The following ZNF496 variants were observed in gnomAD, a reference collection of about 807,000 sequenced individuals.
ZNF496 encodes the protein NSD1 (nuclear receptor binding SET-domain containing 1)-interacting zinc finger protein 1.
A neutral mutation model predicts 58.9 loss-of-function variants in ZNF496; 11 were observed. The ratio of observed to expected loss-of-function variants is 0.19; its 90% CI spans 0.12 to 0.31. The LOEUF is 0.31. Among genes scored for constraint, ZNF496 ranks in the 10% least tolerant of loss-of-function variants. ZNF496 has a pLI of 1.00. For synonymous variants in ZNF496, 338 were observed against 318.2 expected (o/e 1.06, Z -0.66); for missense variants, 660 against 783.0 (o/e 0.84, Z 1.88).
intron 9 of ZNF496, chr1:247,307,552 TG>T (rs1659456348): frequency 4.1e-6 from 4 of 985,298 alleles, no homozygotes; most frequent in Middle Eastern, 5.2e-4. Flanking sequence ...CACGCAGAGG[TG>T]GGCTTCTTAG....
At chr1:247,307,249 C>T (rs1659443585) in intron 9 of ZNF496, 2 of 985,278 alleles carry the variant, frequency 2.0e-6, no homozygotes, top group African/African-American at 3.5e-5. Flanking sequence ...GCAGGAGCTA[C>T]CAAAATAAGT....
intron 6 of ZNF496, among the ~76,000 whole-genome samples, chr1:247,317,064 T>C (rs1173760924): frequency 6.6e-6 from 1 of 152,140 alleles, no homozygotes; most frequent in Non-Finnish European, 1.5e-5. Context: ...GCAAGATAGA[T>C]AAACATGTCT....
chr1:247,322,919 A>G, intron 6 of ZNF496: 1 of 808,374 alleles, frequency 1.2e-6, no homozygotes, highest in Non-Finnish European at 1.9e-6. Context: ...TCGTCTGCAC[A>G]AAGCTTCCTG....
chr1:247,307,060 T>C, intron 9 of ZNF496: 3 of 980,716 alleles, frequency 3.1e-6, no homozygotes, highest in Non-Finnish European at 3.6e-6. Flanking sequence ...AGGCAATTCA[T>C]AGAACACAAT....
rs773697495 is a variant in ZNF496 at position 247,300,712 on chromosome 1, C to G, written c.1571G>C (p.Cys524Ser). ...ENGKAKLSFQCCECGKAFQRH... is the reference protein window; with the variant it reads ...ENGKAKLSFQSCECGKAFQRH... ...CTGGAAGGCCTTCCCACACTCACAG[C>G]ACTGGAAGCTCAGTTTGGCCTTGCC... is the stretch of plus-strand genomic sequence containing the variant. Residue 524 changes from cysteine (C) to serine (S), a missense_variant, in exon 10 of 10, where the codon TGC (cysteine) becomes TCC (serine). Coordinates refer to ENST00000682384, the MANE Select transcript of ZNF496 (RefSeq NM_032752.3). This position sits in a 1 kb window ranked among gnomAD's most constrained non-coding sequence, Gnocchi z 5.7. 2 of 1,613,972 alleles carry G rather than the reference C, an allele frequency of 1.2e-6. No individual in the cohort carries two copies. The highest frequency in any genetic ancestry group is 1.7e-6 in the Non-Finnish European group (2 of 1,179,926).
intron 5 of ZNF496, among the ~76,000 whole-genome samples, chr1:247,327,713 T>C (rs994282319): frequency 6.6e-6 from 1 of 151,886 alleles, no homozygotes; most frequent in Non-Finnish European, 1.5e-5. Context: ...ACACAACTTC[T>C]GCAAGTCATA....
chr1:247,301,306 C>T (rs955634083), intron 9 of ZNF496, 30 bp from the exon 10 acceptor site: 12 of 1,501,226 alleles, frequency 8.0e-6, no homozygotes, highest in African/African-American at 1.4e-5. Context: ...AGGTCAGCGA[C>T]GCTGCACAGG....
intron 6 of ZNF496, among the ~76,000 whole-genome samples, chr1:247,316,746 G>A (rs1044707911): frequency 5.9e-5 from 9 of 152,184 alleles, no homozygotes; most frequent in Non-Finnish European, 8.8e-5. Context: ...CAAGGGCCAG[G>A]TGGGTGGACA....
intron 9 of ZNF496, chr1:247,307,088 C>A: frequency 1.0e-6 from 1 of 985,286 alleles, no homozygotes; most frequent in Non-Finnish European, 1.2e-6. Context: ...AAAAGATATT[C>A]CACCTCAGTG....
intron 5 of ZNF496, among the ~76,000 whole-genome samples, chr1:247,327,686 G>T (rs1423062530): frequency 1.3e-5 from 2 of 152,148 alleles, no homozygotes; most frequent in African/African-American, 4.8e-5. Flanking sequence ...TTACTGAAAA[G>T]CTTATCATAA....
At chr1:247,302,482 G>A (rs1311506031) in intron 9 of ZNF496, among the ~76,000 whole-genome samples, 1 of 151,624 alleles carries the variant, frequency 6.6e-6, no homozygotes, top group African/African-American at 2.4e-5. Context: ...GTTTGTGTGT[G>A]TGCATGTGTT....
rs979900609 is a variant in ZNF496, at chr1:247,300,432, G to A, written c.*87C>T. 23 of 1,420,112 alleles carry A rather than the reference G, an allele frequency of 1.6e-5. No homozygotes were observed. The highest frequency in any genetic ancestry group is 2.2e-5 in the Non-Finnish European group (23 of 1,061,186). The allele number at this position is 1,420,112 out of a possible 1,614,324, so 88.0% of individuals were successfully genotyped here. ...AGGGAGGTGTGCTCTCTATCCTGGGGAAGGTATGTCCTGGGTGGGGGCGCT... is the reference window on the plus strand; with the variant it reads ...AGGGAGGTGTGCTCTCTATCCTGGGAAAGGTATGTCCTGGGTGGGGGCGCT... On this transcript the variant is annotated 3_prime_UTR_variant, in exon 10 of 10. Coordinates refer to ENST00000682384, the MANE Select transcript of ZNF496 (RefSeq NM_032752.3). This position sits in a 1 kb window ranked among gnomAD's most constrained non-coding sequence, Gnocchi z 5.7.
In ZNF496 at chr1:247,300,396, G is replaced by GC; in HGVS notation, c.*122dup. The GC allele has an allele frequency of 4.5e-6, 5 of 1,103,474 alleles. No individual in the cohort carries two copies. The highest frequency in any genetic ancestry group is 6.2e-6 in the Non-Finnish European group (5 of 802,902). 68.4% of individuals were successfully genotyped at this position (1,103,474 alleles called of 1,614,324 possible). On this transcript the variant is annotated 3_prime_UTR_variant, in exon 10 of 10. Coordinates refer to ENST00000682384, the MANE Select transcript of ZNF496 (RefSeq NM_032752.3). The surrounding 1 kb of genome is among the most constrained non-coding windows in gnomAD (Gnocchi z 5.7). ...CCACCCGAACGCTCACTACCTGAGA[G>GC]CAAGGACAGGAGGGAGGTGTGCTCT... is the stretch of plus-strand genomic sequence containing the variant.
chr1:247,321,125 G>A (rs997790548), intron 6 of ZNF496, among the ~76,000 whole-genome samples: 43 of 151,880 alleles, frequency 2.8e-4, no homozygotes, highest in African/African-American at 8.9e-4. Context: ...GCGATGAGCC[G>A]AGATCGAGCC....
chr1:247,305,453 C>G (rs1449869984), intron 9 of ZNF496, among the ~76,000 whole-genome samples: 1 of 152,160 alleles, frequency 6.6e-6, no homozygotes, highest in Non-Finnish European at 1.5e-5. Flanking sequence ...GAGATGGGAC[C>G]AGGGCTCGTG....
At chr1:247,321,312 A>T (rs10924983) in intron 6 of ZNF496, among the ~76,000 whole-genome samples, 1 of 151,906 alleles carries the variant, frequency 6.6e-6, no homozygotes, top group Non-Finnish European at 1.5e-5. Flanking sequence ...AGGTATTTAT[A>T]GTCAAATTAA....
chr1:247,307,419 T>C (rs534835618), intron 9 of ZNF496: 1 of 985,414 alleles, frequency 1.0e-6, no homozygotes, highest in South Asian at 4.7e-5. Flanking sequence ...TCTAAAAGTA[T>C]ATTGATGGGG....
intron 9 of ZNF496, among the ~76,000 whole-genome samples, chr1:247,306,451 C>T (rs1659412208): frequency 6.6e-6 from 1 of 151,496 alleles, no homozygotes; most frequent in Non-Finnish European, 1.5e-5. Flanking sequence ...CCTGCCTCAG[C>T]CTCTCAATGT....
At chr1:247,301,517 A>C (rs911383178) in intron 9 of ZNF496, among the ~76,000 whole-genome samples, 1 of 152,024 alleles carries the variant, frequency 6.6e-6, no homozygotes, top group African/African-American at 2.4e-5. Flanking sequence ...CCCTCTTCCC[A>C]GCCATTTTCC....
Sources: allele counts gnomAD v4.1 joint callset (sites outside exome capture counted in the v4.1 genomes callset), GRCh38; gene constraint gnomAD v4.1.1; non-coding constraint Gnocchi (gnomAD v3.1); transcripts MANE v1.5; gene names NCBI Gene and HGNC (gene_info 2026-07-23, HGNC 2026-07-21).